HS6ST3: variants seen among roughly 807,000 people sequenced by gnomAD.
HS6ST3 encodes heparan sulfate 6-O-sulfotransferase 3, also known as heparan-sulfate 6-O-sulfotransferase 3.
In HS6ST3, 12 loss-of-function variants were observed where a neutral mutation model predicts 36.7. That is an observed-to-expected ratio of 0.33 (90% CI 0.21 to 0.53). HS6ST3 has a LOEUF of 0.53. Among genes scored for constraint, HS6ST3 ranks in the 20% least tolerant of loss-of-function variants. The probability of loss-of-function intolerance (pLI) is 0.95; values close to 1 mark genes in which losing one functional copy is unlikely to be tolerated. For missense variants in HS6ST3, 584 were observed against 640.9 expected, an observed-to-expected ratio of 0.91 and a Z score of 0.96; for synonymous variants, 240 against 257.5, an observed-to-expected ratio of 0.93 and a Z score of 0.65.
At chr13:96,388,306 T>G (rs1050200363) in intron 1 of HS6ST3, among the ~76,000 whole-genome samples, 3 of 152,182 alleles carry the variant, frequency 2.0e-5, no homozygotes, top group African/African-American at 7.2e-5. Context: ...TTAAAAGAAT[T>G]TAATGTTCAC....
At chr13:96,225,267 C>T (rs879546058) in intron 1 of HS6ST3, among the ~76,000 whole-genome samples, 3 of 152,292 alleles carry the variant, frequency 2.0e-5, no homozygotes, top group African/African-American at 7.2e-5. Flanking sequence ...TGTGGAAATG[C>T]TATGCCATTA....
chr13:96,210,472 A>G (rs1211345831), intron 1 of HS6ST3, among the ~76,000 whole-genome samples: 1 of 152,210 alleles, frequency 6.6e-6, no homozygotes, highest in African/African-American at 2.4e-5. Context: ...TCACATACCC[A>G]TAGCCTTAGT....
At chr13:96,285,156 G>A (rs926796321) in intron 1 of HS6ST3, among the ~76,000 whole-genome samples, 3 of 152,018 alleles carry the variant, frequency 2.0e-5, no homozygotes, top group African/African-American at 7.2e-5. Context: ...AAAAGAACAG[G>A]AGGCCGTGTG....
chr13:96,792,106 T>C (rs1303764161), intron 1 of HS6ST3, among the ~76,000 whole-genome samples: 1 of 152,064 alleles, frequency 6.6e-6, no homozygotes, highest in Non-Finnish European at 1.5e-5. Flanking sequence ...TAATTGTCAT[T>C]TCACTACAAG....
At chr13:96,304,730 TTA>T (rs1239669430) in intron 1 of HS6ST3, among the ~76,000 whole-genome samples, 51 of 143,276 alleles carry the variant, frequency 3.6e-4, no homozygotes, top group Admixed American at 5.6e-4. Flanking sequence ...TTTTTTTTTT[TTA>T]CAGAATCTCG....
At chr13:96,257,021 C>T (rs1329563635) in intron 1 of HS6ST3, among the ~76,000 whole-genome samples, 2 of 152,096 alleles carry the variant, frequency 1.3e-5, no homozygotes, top group African/African-American at 4.8e-5. Context: ...AAAAGGACTT[C>T]CTGTTTCTGT....
At chr13:96,613,523 C>T (rs1436644243) in intron 1 of HS6ST3, among the ~76,000 whole-genome samples, 2 of 152,028 alleles carry the variant, frequency 1.3e-5, no homozygotes, top group African/African-American at 2.4e-5. Flanking sequence ...ATGAATGAGT[C>T]GACTTGGATA....
At chr13:96,170,498 T>C (rs1358073203) in intron 1 of HS6ST3, among the ~76,000 whole-genome samples, 1 of 152,258 alleles carries the variant, frequency 6.6e-6, no homozygotes, top group African/African-American at 2.4e-5. Context: ...AGTGAGCTTT[T>C]CCTGCAGGGG....
At chr13:96,284,271 C>G (rs61966875) in intron 1 of HS6ST3, among the ~76,000 whole-genome samples, 47 of 151,948 alleles carry the variant, frequency 3.1e-4, no homozygotes, top group Admixed American at 9.2e-4. Flanking sequence ...TTGACTCACA[C>G]AATCACAGGT....
intron 1 of HS6ST3, among the ~76,000 whole-genome samples, chr13:96,267,006 G>T (rs182889408): frequency 5.0e-4 from 76 of 152,260 alleles, no homozygotes; most frequent in Admixed American, 3.7e-3. Context: ...TCATGGGAGG[G>T]ACCTGATGGG....
intron 1 of HS6ST3, among the ~76,000 whole-genome samples, chr13:96,783,690 A>G: frequency 6.6e-6 from 1 of 152,014 alleles, no homozygotes; most frequent in Non-Finnish European, 1.5e-5. Context: ...TTGAGACAAT[A>G]TAAACCATTT....
At chr13:96,702,190 G>GA (rs532386615) in intron 1 of HS6ST3, among the ~76,000 whole-genome samples, 10 of 152,192 alleles carry the variant, frequency 6.6e-5, no homozygotes, top group Admixed American at 3.3e-4. Context: ...TTAGTTGTGG[G>GA]AAAAAAATCA....
chr13:96,493,166 T>C (rs574872745), intron 1 of HS6ST3, among the ~76,000 whole-genome samples: 1 of 152,248 alleles, frequency 6.6e-6, no homozygotes, highest in South Asian at 2.1e-4. Context: ...CACCTAGAGG[T>C]TGGGTAGCTT....
intron 1 of HS6ST3, among the ~76,000 whole-genome samples, chr13:96,375,427 C>G (rs1013307438): frequency 6.6e-6 from 1 of 152,142 alleles, no homozygotes; most frequent in Non-Finnish European, 1.5e-5. Context: ...CTGCTGTATT[C>G]CAATGCCTAG....
intron 1 of HS6ST3, among the ~76,000 whole-genome samples, chr13:96,404,229 A>G (rs979631035): frequency 1.3e-5 from 2 of 152,136 alleles, no homozygotes; most frequent in African/African-American, 4.8e-5. Context: ...ATTTTTGGAG[A>G]AAAAAGCCCA....
intron 1 of HS6ST3, among the ~76,000 whole-genome samples, chr13:96,621,252 G>A (rs1406655970): frequency 6.6e-6 from 1 of 152,166 alleles, no homozygotes; most frequent in East Asian, 1.9e-4. Context: ...AACCCGAATT[G>A]TAATCCCCAG....
chr13:96,669,064 C>A lies in HS6ST3; in HGVS notation c.708-163426C>A, dbSNP rs546165348. On this transcript the variant is annotated intron_variant, in intron 1 of 1. Transcript: ENST00000376705. ...AAATGCTTCAGGAAGCAAAATATCA[C>A]CTGATGTGCTAAAACCTGTTATTTG... 4.6e-5 allele frequency among the ~76,000 whole-genome samples: 7 copies of A among 152,130 alleles called. No individual in the cohort carries two copies. In the East Asian group the frequency reaches 1.4e-3, roughly 29 times the overall value.
chr13:96,760,153 T>C (rs773978609), intron 1 of HS6ST3, among the ~76,000 whole-genome samples: 17 of 152,196 alleles, frequency 1.1e-4, no homozygotes, highest in African/African-American at 1.7e-4. Context: ...CTATCTTCTT[T>C]AAACTCTTTA....
intron 1 of HS6ST3, among the ~76,000 whole-genome samples, chr13:96,495,872 T>C (rs2138909159): frequency 6.6e-6 from 1 of 152,336 alleles, no homozygotes; most frequent in East Asian, 1.9e-4. Flanking sequence ...CTCCCATATA[T>C]TGCCCTCGTG....
Sources: allele counts gnomAD v4.1 joint callset (sites outside exome capture counted in the v4.1 genomes callset), GRCh38; gene constraint gnomAD v4.1.1; transcripts MANE v1.5; gene names NCBI Gene and HGNC (gene_info 2026-07-23, HGNC 2026-07-21).